Variants in NKAIN2 observed in about 807,000 individuals in gnomAD.
NKAIN2 encodes the protein sodium/potassium transporting ATPase interacting 2.
A neutral mutation model predicts 32.6 loss-of-function variants in NKAIN2; 14 were observed. The ratio of observed to expected loss-of-function variants is 0.43; its 90% CI spans 0.28 to 0.67. The LOEUF (loss-of-function observed/expected upper bound fraction) is 0.67, where lower values mean the gene tolerates loss of function less well. Ranked by LOEUF, NKAIN2 falls within the 30% of genes least tolerant of loss-of-function variation. The pLI is 0.17. For missense variants in NKAIN2, 198 were observed against 258.3 expected, an observed-to-expected ratio of 0.77 and a Z score of 1.60; for synonymous variants, 80 against 87.2, an observed-to-expected ratio of 0.92 and a Z score of 0.46.
intron 1 of NKAIN2, among the ~76,000 whole-genome samples, chr6:124,262,042 T>C (rs2753140): frequency 0.35 from 52,523 of 151,656 alleles, 11,289 homozygotes; most frequent in African/African-American, 0.6. Context: ...TGCCATCTCT[T>C]TGAGGGCAGA....
chr6:124,236,328 T>C (rs1411688371), intron 1 of NKAIN2, among the ~76,000 whole-genome samples: 1 of 152,098 alleles, frequency 6.6e-6, no homozygotes, highest in African/African-American at 2.4e-5. Context: ...ATGGAACATG[T>C]ATTCTCTCAA....
At chr6:124,339,197 C>T (rs554835954) in intron 2 of NKAIN2, among the ~76,000 whole-genome samples, 21 of 152,130 alleles carry the variant, frequency 1.4e-4, no homozygotes, top group East Asian at 9.7e-4. Context: ...AAAAAGTAGC[C>T]GGGCGTGGTG....
intron 1 of NKAIN2, among the ~76,000 whole-genome samples, chr6:123,986,449 A>C (rs1483640853): frequency 1.3e-5 from 2 of 152,198 alleles, no homozygotes; most frequent in African/African-American, 4.8e-5. Flanking sequence ...TGGGGCAAAA[A>C]GCAAGATCTG....
chr6:124,769,470 G>A (rs1481849706), intron 4 of NKAIN2, among the ~76,000 whole-genome samples: 2 of 152,092 alleles, frequency 1.3e-5, no homozygotes, highest in Non-Finnish European at 2.9e-5. Context: ...AGAGAGGGAG[G>A]AATGATAGTT....
chr6:124,353,215 A>G (rs13217293), intron 2 of NKAIN2, among the ~76,000 whole-genome samples: 1 of 151,602 alleles, frequency 6.6e-6, no homozygotes, highest in African/African-American at 2.4e-5. Context: ...AGGAATATAA[A>G]CAAAAATTAA....
intron 3 of NKAIN2, among the ~76,000 whole-genome samples, chr6:124,431,585 A>G (rs370523187): frequency 4.5e-4 from 68 of 152,282 alleles, no homozygotes; most frequent in African/African-American, 1.6e-3. Context: ...ATAAAATAAG[A>G]TATTTTAACC....
At chr6:124,499,168 G>T (rs1463009376) in intron 3 of NKAIN2, among the ~76,000 whole-genome samples, 2 of 152,118 alleles carry the variant, frequency 1.3e-5, no homozygotes, top group Non-Finnish European at 2.9e-5. Context: ...TAATTTAGGT[G>T]TAATATTTTT....
chr6:124,186,228 AAG>A (rs1384786778), intron 1 of NKAIN2, among the ~76,000 whole-genome samples: 2 of 150,708 alleles, frequency 1.3e-5, no homozygotes, highest in East Asian at 1.9e-4. Flanking sequence ...GAAGGAAGGA[AAG>A]AGAGAGAAAG....
chr6:124,166,998 C>T (rs1406786191), intron 1 of NKAIN2, among the ~76,000 whole-genome samples: 20 of 149,614 alleles, frequency 1.3e-4, no homozygotes, highest in African/African-American at 2.7e-4. Flanking sequence ...CTTGGGGATG[C>T]GGGCTCTTTT....
At chr6:124,515,708 T>TTTTTCAC (rs1562232371) in intron 3 of NKAIN2, among the ~76,000 whole-genome samples, 1 of 3,438 alleles carries the variant, frequency 2.9e-4, no homozygotes, top group Non-Finnish European at 0.011. Context: ...TTTTCTTCGC[T>TTTTTCAC]TTCTCTCCGT....
intron 1 of NKAIN2, among the ~76,000 whole-genome samples, chr6:123,946,120 G>A (rs1777050918): frequency 6.6e-6 from 1 of 152,104 alleles, no homozygotes; most frequent in East Asian, 1.9e-4. Context: ...AGGGTTATCA[G>A]CTGCACAACA....
intron 3 of NKAIN2, among the ~76,000 whole-genome samples, chr6:124,586,709 A>G (rs1184118324): frequency 1.3e-5 from 2 of 152,212 alleles, no homozygotes; most frequent in Admixed American, 6.5e-5. Context: ...TAAGTGAAAT[A>G]AAAGACTATG....
intron 3 of NKAIN2, among the ~76,000 whole-genome samples, chr6:124,549,601 T>G (rs1193906759): frequency 6.6e-6 from 1 of 152,210 alleles, no homozygotes; most frequent in African/African-American, 2.4e-5. Context: ...CATTTTTCCT[T>G]GTCCCAGGAT....
At chr6:124,622,806 C>A (rs1036816800) in intron 3 of NKAIN2, among the ~76,000 whole-genome samples, 15 of 152,134 alleles carry the variant, frequency 9.9e-5, no homozygotes, top group African/African-American at 3.4e-4. Context: ...AGATGTTTCT[C>A]CTCTTCTCTC....
chr6:124,696,897 C>T (rs1239959847), intron 4 of NKAIN2, among the ~76,000 whole-genome samples: 2 of 151,556 alleles, frequency 1.3e-5, no homozygotes, highest in African/African-American at 2.4e-5. Flanking sequence ...ATTTGTTTGA[C>T]ACTTGCATGA....
intron 4 of NKAIN2, among the ~76,000 whole-genome samples, chr6:124,789,173 T>C (rs1779634126): frequency 6.6e-6 from 1 of 152,052 alleles, no homozygotes; most frequent in South Asian, 2.1e-4. Flanking sequence ...CTAGTGACAC[T>C]TTAATGAGAA....
At chr6:124,006,926 G>C (rs1345418669) in intron 1 of NKAIN2, among the ~76,000 whole-genome samples, 1 of 152,168 alleles carries the variant, frequency 6.6e-6, no homozygotes, top group African/African-American at 2.4e-5. Flanking sequence ...TTTTGTGACT[G>C]ACCTAAGGAA....
At chr6:124,278,013 G>A (rs1221379068) in intron 1 of NKAIN2, among the ~76,000 whole-genome samples, 1 of 151,916 alleles carries the variant, frequency 6.6e-6, no homozygotes, top group Non-Finnish European at 1.5e-5. Flanking sequence ...TAATATTATA[G>A]TAATATTTGG....
chr6:124,329,916 T>C lies in NKAIN2; in HGVS notation c.193-25351T>C, dbSNP rs556507998. On this transcript the variant is annotated intron_variant, in intron 2 of 6. Coordinates refer to ENST00000368417, the MANE Select transcript of NKAIN2 (RefSeq NM_001040214.3). ...CAGTGACTGGTTCTTCTAAAGCTTA[T>C]AAGCAGAAAAGGTAATCCATACTCA... 3.9e-5 allele frequency among the ~76,000 whole-genome samples: 6 copies of C among 152,212 alleles called. No homozygotes were observed. In the South Asian group the frequency reaches 1.0e-3, roughly 26 times the overall value.
Sources: allele counts gnomAD v4.1 joint callset (sites outside exome capture counted in the v4.1 genomes callset), GRCh38; gene constraint gnomAD v4.1.1; transcripts MANE v1.5; gene names NCBI Gene and HGNC (gene_info 2026-07-23, HGNC 2026-07-21).